The following MYO5B variants were observed in gnomAD, a reference collection of about 807,000 sequenced individuals.
The protein encoded by MYO5B is myosin VB.
In MYO5B, 143 loss-of-function variants were observed where a neutral mutation model predicts 229.3. The ratio of observed to expected loss-of-function variants is 0.62; its 90% CI spans 0.54 to 0.72. The LOEUF (loss-of-function observed/expected upper bound fraction) is 0.72, where lower values mean the gene tolerates loss of function less well. Among genes scored for constraint, MYO5B ranks in the 30% least tolerant of loss-of-function variants. The pLI is 0.00. For synonymous variants in MYO5B, 918 were observed against 885.2 expected (o/e 1.04, Z -0.66); for missense variants, 2,321 against 2,331.0 (o/e 1.00, Z 0.09).
At chr18:49,846,134 G>A (rs1289864679) in intron 33 of MYO5B, among the ~76,000 whole-genome samples, 1 of 152,218 alleles carries the variant, frequency 6.6e-6, no homozygotes, top group South Asian at 2.1e-4. Context: ...GCCTGGATAA[G>A]AAACTGCAGA....
chr18:50,158,130 G>A (rs548147770), intron 1 of MYO5B, among the ~76,000 whole-genome samples: 1 of 152,282 alleles, frequency 6.6e-6, no homozygotes, highest in African/African-American at 2.4e-5. Flanking sequence ...AGGAGAGAGG[G>A]ATCCAGCAAA....
intron 1 of MYO5B, among the ~76,000 whole-genome samples, chr18:50,173,563 G>A (rs182352599): frequency 1.7e-4 from 26 of 152,278 alleles, no homozygotes; most frequent in East Asian, 1.5e-3. Flanking sequence ...TCCATTATGC[G>A]GGCCAGAGAT....
intron 4 of MYO5B, among the ~76,000 whole-genome samples, chr18:50,024,433 C>G (rs2026309633): frequency 6.6e-6 from 1 of 152,170 alleles, no homozygotes; most frequent in Admixed American, 6.5e-5. Context: ...AAAGACATCC[C>G]ATAATTCTAA....
chr18:49,860,508 C>T lies in MYO5B; in HGVS notation c.3944+2719G>A, dbSNP rs75531206. 5.3e-3 allele frequency among the ~76,000 whole-genome samples: 813 copies of T among 152,316 alleles called. 9 individuals are homozygous for T. Among genetic ancestry groups the T allele is most frequent in the African/African-American group, 0.018 (753 of 41,560 alleles). Reference sequence around the variant, plus strand: ...AGCAGAAGTGCCACCCGCATTCCTGCAGCTCCTCTCAGAGCAGCTCCTCAA... The same window carrying T: ...AGCAGAAGTGCCACCCGCATTCCTGTAGCTCCTCTCAGAGCAGCTCCTCAA... On this transcript the variant is annotated intron_variant, in intron 29 of 39. Coordinates refer to ENST00000285039, the MANE Select transcript of MYO5B (RefSeq NM_001080467.3).
intron 35 of MYO5B, chr18:49,840,401 T>C (rs1258884162): frequency 6.6e-6 from 1 of 152,248 alleles, no homozygotes; most frequent in Admixed American, 6.5e-5. Flanking sequence ...AGGAGAGAGA[T>C]GGCGTCAAGC....
chr18:50,158,650 G>A (rs939987494), intron 1 of MYO5B, among the ~76,000 whole-genome samples: 5 of 152,172 alleles, frequency 3.3e-5, no homozygotes, highest in African/African-American at 1.2e-4. Flanking sequence ...TTATTTGCAA[G>A]TGAAAAACCC....
At chr18:49,874,829 A>G (rs1354451149) in intron 26 of MYO5B, among the ~76,000 whole-genome samples, 1 of 152,160 alleles carries the variant, frequency 6.6e-6, no homozygotes, top group Non-Finnish European at 1.5e-5. Flanking sequence ...TCTATCTCCA[A>G]AGAAATAAAT....
chr18:50,152,864 T>TAA (rs67858852), intron 1 of MYO5B, among the ~76,000 whole-genome samples: 20 of 125,406 alleles, frequency 1.6e-4, no homozygotes, highest in African/African-American at 4.5e-4. Context: ...TTCTCAAAAC[T>TAA]AAAAAAAAAA....
intron 12 of MYO5B, among the ~76,000 whole-genome samples, chr18:49,960,661 A>G (rs888816435): frequency 1.3e-5 from 2 of 152,196 alleles, no homozygotes; most frequent in South Asian, 2.1e-4. Context: ...AAGTCTCCAC[A>G]TTGTGGACTT....
At chr18:50,181,094 G>A (rs566427348) in intron 1 of MYO5B, among the ~76,000 whole-genome samples, 1 of 152,150 alleles carries the variant, frequency 6.6e-6, no homozygotes, top group African/African-American at 2.4e-5. Flanking sequence ...TAGGAAATTA[G>A]GTGCAATGGG....
chr18:50,194,718 C>A, intron 1 of MYO5B, 49 bp downstream of exon 1: 1 of 1,363,040 alleles, frequency 7.3e-7, no homozygotes, highest in South Asian at 1.3e-5. Flanking sequence ...TAGGTGGCCC[C>A]GAGCGCGCCA....
chr18:50,179,318 CA>C (rs1273228171), intron 1 of MYO5B, among the ~76,000 whole-genome samples: 1 of 152,154 alleles, frequency 6.6e-6, no homozygotes, highest in Non-Finnish European at 1.5e-5. Context: ...CTGATGCACC[CA>C]AAGTAGAAAA....
chr18:49,965,785 G>A (rs2025618262), intron 10 of MYO5B, among the ~76,000 whole-genome samples: 2 of 152,100 alleles, frequency 1.3e-5, no homozygotes, highest in African/African-American at 4.8e-5. Context: ...TCATGAAAAA[G>A]GAAAAACAGA....
chr18:49,994,721 T>C (rs2025968718), intron 5 of MYO5B, among the ~76,000 whole-genome samples: 1 of 152,226 alleles, frequency 6.6e-6, no homozygotes, highest in Non-Finnish European at 1.5e-5. Flanking sequence ...AACCTTGTCA[T>C]CTTAGCAGAG....
At chr18:50,152,741 A>G (rs1329114453) in intron 1 of MYO5B, among the ~76,000 whole-genome samples, 3 of 152,158 alleles carry the variant, frequency 2.0e-5, no homozygotes, top group Non-Finnish European at 4.4e-5. Context: ...AACCCAGGAA[A>G]GCTAAAATAA....
rs770327443 is a variant in MYO5B, at chr18:50,001,244, G to C, written c.612+11C>G. On this transcript the variant is annotated intron_variant, in intron 5 of 39. Coordinates refer to ENST00000285039, the MANE Select transcript of MYO5B (RefSeq NM_001080467.3). ...CCAGCCAGGAAGGCCAGGACACCTA[G>C]AAGGCTTTACCTCCATGATGGGACT... 1.2e-6 allele frequency: 2 copies of C among 1,614,138 alleles called. No homozygotes were observed. The highest frequency in any genetic ancestry group is 1.7e-6 in the Non-Finnish European group (2 of 1,180,000).
chr18:50,039,998 T>C (rs2029961791), intron 3 of MYO5B, 145 bp downstream of exon 3: 3 of 914,730 alleles, frequency 3.3e-6, no homozygotes, highest in Non-Finnish European at 5.3e-6. Context: ...CCACATTCAC[T>C]GATTGCAAAC....
chr18:50,138,628 T>C (rs2032371793), intron 1 of MYO5B, among the ~76,000 whole-genome samples: 1 of 151,938 alleles, frequency 6.6e-6, no homozygotes, highest in South Asian at 2.1e-4. Context: ...TGTTGACCTT[T>C]TGTGGTGATG....
chr18:50,040,589 C>T (rs912103221), intron 2 of MYO5B, among the ~76,000 whole-genome samples: 1 of 152,140 alleles, frequency 6.6e-6, no homozygotes, highest in African/African-American at 2.4e-5. Flanking sequence ...AATACTGAGT[C>T]TTTAATTTCA....
Sources: gnomAD v4.1 joint callset for allele counts (sites outside exome capture counted in the v4.1 genomes callset) on GRCh38, gnomAD v4.1.1 for gene constraint, MANE v1.5 for transcripts, NCBI Gene and HGNC (gene_info 2026-07-23, HGNC 2026-07-21) for gene names.